CDH13: variants seen among roughly 807,000 people sequenced by gnomAD.
The protein encoded by CDH13 is cadherin 13.
In CDH13, 24 loss-of-function variants were observed where a neutral mutation model predicts 63.8. That is an observed-to-expected ratio of 0.38 (90% CI 0.27 to 0.53). The LOEUF (loss-of-function observed/expected upper bound fraction) is 0.53, where lower values mean the gene tolerates loss of function less well. Ranked by LOEUF, CDH13 falls within the 20% of genes least tolerant of loss-of-function variation. The pLI is 0.85. For synonymous variants in CDH13, 503 were observed against 355.3 expected, an observed-to-expected ratio of 1.42 and a Z score of -4.67; for missense variants, 1,049 against 903.1, an observed-to-expected ratio of 1.16 and a Z score of -2.07.
intron 7 of CDH13, among the ~76,000 whole-genome samples, chr16:83,542,679 C>A (rs1459032456): frequency 6.6e-6 from 1 of 152,210 alleles, no homozygotes; most frequent in Admixed American, 6.5e-5. Context: ...TGTTTGCCAG[C>A]AACCCTTGGA....
chr16:83,470,752 A>T (rs2073432920), intron 6 of CDH13, among the ~76,000 whole-genome samples: 1 of 152,182 alleles, frequency 6.6e-6, no homozygotes, highest in Admixed American at 6.5e-5. Context: ...TGCCCACCAC[A>T]GATACCCAAT....
chr16:83,406,421 C>CCCG (rs1218313083), intron 6 of CDH13, among the ~76,000 whole-genome samples: 1 of 149,516 alleles, frequency 6.7e-6, no homozygotes, highest in African/African-American at 2.5e-5. Flanking sequence ...TTTCTTTCCC[C>CCCG]CCCCGCCTCT....
intron 4 of CDH13, among the ~76,000 whole-genome samples, chr16:83,208,059 G>A (rs1041765990): frequency 6.6e-6 from 1 of 152,056 alleles, no homozygotes; most frequent in Admixed American, 6.6e-5. Context: ...GCCTTCCCTG[G>A]GATGATGGGA....
At chr16:82,937,661 C>T (rs192203914) in intron 2 of CDH13, among the ~76,000 whole-genome samples, 1 of 152,324 alleles carries the variant, frequency 6.6e-6, no homozygotes, top group Non-Finnish European at 1.5e-5. Flanking sequence ...ACCTGTTGAT[C>T]CTTCCTATGT....
chr16:83,369,171 C>A lies in CDH13; in HGVS notation c.781+24165C>A, dbSNP rs2091315536. Among the ~76,000 whole-genome samples, 6 of 151,618 alleles carry A rather than the reference C, an allele frequency of 4.0e-5. No individual in the cohort carries two copies. The South Asian group carries it at 1.3e-3, about 32-fold the overall frequency. On this transcript the variant is annotated intron_variant, in intron 6 of 13. Transcript: ENST00000567109. ...TTTTCACAGTGGTTGTACTTGTTTA[C>A]ATTCCCACCAAGAATGGTCATGATC...
chr16:83,793,876 T>G (rs572403511), intron 13 of CDH13, among the ~76,000 whole-genome samples: 2 of 151,754 alleles, frequency 1.3e-5, no homozygotes, highest in Admixed American at 6.6e-5. Flanking sequence ...GGGGAGAGTA[T>G]CTTGGATTAG....
intron 7 of CDH13, among the ~76,000 whole-genome samples, chr16:83,500,789 A>G (rs1419553605): frequency 6.6e-6 from 1 of 151,602 alleles, no homozygotes; most frequent in African/African-American, 2.4e-5. Context: ...CATGTTGGCC[A>G]GGCTGGTCTC....
intron 5 of CDH13, among the ~76,000 whole-genome samples, chr16:83,259,294 C>T (rs1205000882): frequency 6.6e-6 from 1 of 152,194 alleles, no homozygotes; most frequent in Non-Finnish European, 1.5e-5. Context: ...GAATGCTTCT[C>T]AGCATGAAAT....
At chr16:83,756,579 T>C (rs931758256) in intron 11 of CDH13, among the ~76,000 whole-genome samples, 1 of 152,238 alleles carries the variant, frequency 6.6e-6, no homozygotes, top group Non-Finnish European at 1.5e-5. Flanking sequence ...GCTCTTCAGC[T>C]ACTGTTAGTG....
chr16:83,370,454 C>A (rs1383672784), intron 6 of CDH13, among the ~76,000 whole-genome samples: 4 of 151,288 alleles, frequency 2.6e-5, no homozygotes, highest in Non-Finnish European at 5.9e-5. Context: ...TTACCTGTAC[C>A]TTTATTGATT....
chr16:82,833,731 G>A (rs543258460), intron 1 of CDH13, among the ~76,000 whole-genome samples: 1 of 152,134 alleles, frequency 6.6e-6, no homozygotes, highest in Non-Finnish European at 1.5e-5. Flanking sequence ...ATTCTCAGGG[G>A]ACACTTAAGC....
intron 6 of CDH13, among the ~76,000 whole-genome samples, chr16:83,418,444 T>G (rs1365729215): frequency 1.3e-5 from 2 of 152,132 alleles, no homozygotes; most frequent in Non-Finnish European, 2.9e-5. Flanking sequence ...CTCTTCCTCT[T>G]AAAGGAAAAA....
At chr16:82,676,430 C>T (rs562143450) in intron 1 of CDH13, among the ~76,000 whole-genome samples, 3 of 151,438 alleles carry the variant, frequency 2.0e-5, no homozygotes, top group Non-Finnish European at 4.4e-5. Context: ...CAGCAAGAAT[C>T]CATCCAGTTC....
chr16:83,526,880 C>G (rs955563911), intron 7 of CDH13, among the ~76,000 whole-genome samples: 1 of 152,140 alleles, frequency 6.6e-6, no homozygotes, highest in Admixed American at 6.5e-5. Flanking sequence ...GCCCGTAATC[C>G]CAGCACTTTG....
chr16:82,844,907 A>T (rs183495544), intron 1 of CDH13: 2 of 152,026 alleles, frequency 1.3e-5, no homozygotes, highest in Admixed American at 6.6e-5. Flanking sequence ...CGCCTGCCTC[A>T]GTCCCCCAAA....
intron 2 of CDH13, among the ~76,000 whole-genome samples, chr16:82,947,332 C>T (rs1476066582): frequency 6.6e-6 from 1 of 152,000 alleles, no homozygotes; most frequent in Non-Finnish European, 1.5e-5. Context: ...AGAGTGTGTA[C>T]CCAGGAGGTG....
intron 1 of CDH13, among the ~76,000 whole-genome samples, chr16:82,830,981 G>A (rs974125976): frequency 5.3e-5 from 8 of 152,062 alleles, no homozygotes; most frequent in Admixed American, 2.6e-4. Flanking sequence ...CAAATCTTCC[G>A]CAGAGCTGAA....
At chr16:83,201,225 C>G (rs2039020600) in intron 4 of CDH13, among the ~76,000 whole-genome samples, 1 of 152,094 alleles carries the variant, frequency 6.6e-6, no homozygotes, top group Non-Finnish European at 1.5e-5. Context: ...TGAGTTTCTA[C>G]TATGGACCAT....
chr16:83,000,264 T>TTTTTTTTTTA (rs1912748830), intron 2 of CDH13, among the ~76,000 whole-genome samples: 4 of 107,114 alleles, frequency 3.7e-5, no homozygotes, highest in Non-Finnish European at 5.6e-5. Context: ...TTTTTTTTTT[T>TTTTTTTTTTA]GAGACAGAGT....
Sources: gnomAD v4.1 joint callset for allele counts (sites outside exome capture counted in the v4.1 genomes callset) on GRCh38, gnomAD v4.1.1 for gene constraint, MANE v1.5 for transcripts, NCBI Gene and HGNC (gene_info 2026-07-23, HGNC 2026-07-21) for gene names.